Variants in IDH1 observed in about 807,000 individuals in gnomAD.
IDH1 encodes the protein isocitrate dehydrogenase [NADP] cytoplasmic.
IDH1 carries 33 observed loss-of-function variants against 46.1 expected under a neutral mutation model. That is an observed-to-expected ratio of 0.72 (90% CI 0.54 to 0.96). The LOEUF (loss-of-function observed/expected upper bound fraction) is 0.96. Ranked by LOEUF, IDH1 falls within the 40% of genes least tolerant of loss-of-function variation. The pLI is 0.00. For synonymous variants in IDH1, 144 were observed against 172.8 expected (o/e 0.83, Z 1.31); for missense variants, 421 against 515.7 (o/e 0.82, Z 1.78).
At chr2:208,245,186 C>T (rs370644652) in intron 5 of IDH1, 133 bp downstream of exon 5, 13 of 637,664 alleles carry the variant, frequency 2.0e-5, no homozygotes, top group Middle Eastern at 4.2e-4. Context: ...TGTCAAGTTT[C>T]GGGTTTTGCA....
At chr2:208,248,144 G>GA (rs1004518060) in intron 4 of IDH1, 14 of 573,586 alleles carry the variant, frequency 2.4e-5, no homozygotes, top group Middle Eastern at 4.6e-4. Context: ...CAGCATGTTT[G>GA]AAAAAAAATG....
intron 1 of IDH1, chr2:208,254,282 TACCTC>T: frequency 6.5e-6 from 1 of 152,980 alleles, no homozygotes. Context: ...GCTGGATCGG[TACCTC>T]CTTCCAGGTC....
At chr2:208,243,353 G>T in intron 6 of IDH1, 74 bp downstream of exon 6, 1 of 1,098,946 alleles carries the variant, frequency 9.1e-7, no homozygotes. Flanking sequence ...ATAGGGATAG[G>T]GAGATACATA....
At chr2:208,249,782 C>A (rs1017639760) in intron 3 of IDH1, among the ~76,000 whole-genome samples, 1 of 152,162 alleles carries the variant, frequency 6.6e-6, no homozygotes, top group African/African-American at 2.4e-5. Flanking sequence ...ACTGCTTCGA[C>A]TTTAGATAAT....
rs1271525828 is a variant in IDH1 at position 208,236,521 on chromosome 2, T to C, written c.*558A>G. ...GCGGCCTAAACAGTATTTAGTCTAT[T>C]GGAAACATTCAGCAAGGTCTTTACA... On this transcript the variant is annotated 3_prime_UTR_variant, in exon 10 of 10. Coordinates refer to ENST00000345146, the MANE Select transcript of IDH1 (RefSeq NM_005896.4). 2 of 235,850 alleles carry C rather than the reference T, an allele frequency of 8.5e-6. No homozygotes were observed. The highest frequency in any genetic ancestry group is 1.7e-4 in the South Asian group (1 of 5,822). The allele number at this position is 235,850 out of a possible 1,614,324, so 14.6% of individuals were successfully genotyped here.
intron 9 of IDH1, among the ~76,000 whole-genome samples, chr2:208,238,448 T>G (rs574200282): frequency 5.9e-5 from 9 of 152,294 alleles, no homozygotes; most frequent in African/African-American, 2.2e-4. Context: ...CTGGTTGAGA[T>G]ATGGAGACAA....
intron 9 of IDH1, among the ~76,000 whole-genome samples, chr2:208,238,692 T>A (rs1227941218): frequency 6.6e-6 from 1 of 152,226 alleles, no homozygotes; most frequent in Non-Finnish European, 1.5e-5. Flanking sequence ...CTTCTTAAAA[T>A]TAAATAGAAC....
intron 6 of IDH1, among the ~76,000 whole-genome samples, chr2:208,242,638 T>A (rs934783222): frequency 3.3e-5 from 5 of 152,038 alleles, no homozygotes; most frequent in Non-Finnish European, 7.4e-5. Context: ...CTAAAGGGAG[T>A]TATGCCAATC....
chr2:208,237,213 T>C lies in IDH1; in HGVS notation c.1155-44A>G, dbSNP rs780091173. On this transcript the variant is annotated intron_variant, in intron 9 of 9. Coordinates refer to ENST00000345146, the MANE Select transcript of IDH1 (RefSeq NM_005896.4). ...AAAAGAAAATTTAGTTGGTCTCTGA[T>C]ATGGTAGCAGGTAGTGGTAAAGTCC... The C allele has an allele frequency of 3.9e-6, 4 of 1,024,098 alleles. No individual in the cohort carries two copies. In the South Asian group the frequency reaches 3.9e-5, roughly 10 times the overall value. The allele number at this position is 1,024,098 out of a possible 1,614,324, so 63.4% of individuals were successfully genotyped here.
intron 7 of IDH1, chr2:208,240,265 C>T (rs1257245783): frequency 4.0e-6 from 2 of 498,594 alleles, no homozygotes; most frequent in Non-Finnish European, 7.4e-6. Context: ...CAGGGTCCAA[C>T]TGCCTACATT....
rs1687996723 is a variant in IDH1 at position 208,245,375 on chromosome 2, G to T, written c.464C>A (p.Thr155Asn). Reference sequence around the variant, plus strand: ...TTGGGTTCCGTCACTTGGTGTGTAGGTTATCTCTACTTTTCCAGGCCCAGG... The same window carrying T: ...TTGGGTTCCGTCACTTGGTGTGTAGTTTATCTCTACTTTTCCAGGCCCAGG... ...VVPGPGKVEI[T>N]YTPSDGTQKV... The change falls in exon 5 of 10, where the codon ACC (threonine) becomes AAC (asparagine). Residue 155 changes from threonine (T) to asparagine (N), a missense_variant. Transcript: ENST00000345146. 1.2e-6 allele frequency: 2 copies of T among 1,612,476 alleles called. No homozygotes were observed. The highest frequency in any genetic ancestry group is 1.7e-5 in the Admixed American group (1 of 59,966).
intron 4 of IDH1, 22 bp downstream of exon 4, chr2:208,248,347 C>T (rs2124862419): frequency 6.2e-7 from 1 of 1,606,560 alleles, no homozygotes; most frequent in South Asian, 1.1e-5. Flanking sequence ...TGCAAAATCA[C>T]ATTATTGCCA....
intron 3 of IDH1, among the ~76,000 whole-genome samples, chr2:208,249,669 C>T (rs1280315168): frequency 6.6e-6 from 1 of 152,208 alleles, no homozygotes; most frequent in Non-Finnish European, 1.5e-5. Flanking sequence ...CTCTAGATTT[C>T]TTTTTGGTTC....
rs765848107 is a variant in IDH1 at position 208,248,637 on chromosome 2, C to G, written c.146G>C (p.Arg49Pro). Residue 49 changes from arginine to proline, a missense_variant, in exon 4 of 10, where the codon CGT (arginine) becomes CCT (proline). Physicochemically the swap from Arg to Pro is moderately radical, Grantham distance 103 (BLOSUM62 -2). Coordinates refer to ENST00000345146, the MANE Select transcript of IDH1 (RefSeq NM_005896.4). ...GGTGACTTGGTCGTTGGTGGCATCA[C>G]GATTCTCTATGCCTAAATCATAGCT... is the stretch of plus-strand genomic sequence containing the variant. ...LHSYDLGIENRDATNDQVTKD... is the reference protein window; with the variant it reads ...LHSYDLGIENPDATNDQVTKD... 4.3e-6 allele frequency: 7 copies of G among 1,614,012 alleles called. No homozygotes were observed. The African/African-American group carries it at 9.3e-5, about 22-fold the overall frequency.
At chr2:208,251,668 A>C in intron 2 of IDH1, 101 bp from the exon 3 acceptor site, 1 of 897,422 alleles carries the variant, frequency 1.1e-6, no homozygotes, top group Non-Finnish European at 1.7e-6. Flanking sequence ...TGACTACTAA[A>C]AGAACAATTC....
chr2:208,244,019 C>T (rs1254259679), intron 5 of IDH1, among the ~76,000 whole-genome samples: 2 of 152,142 alleles, frequency 1.3e-5, no homozygotes, highest in Admixed American at 6.5e-5. Flanking sequence ...GGAGGTGGGG[C>T]CCAGTGGGAG....
At position 208,238,531 on chromosome 2, in the gene IDH1, C is replaced by T. The variant is rs1687860576; in HGVS notation, c.1154+540G>A. Among the ~76,000 whole-genome samples the T allele has an allele frequency of 3.9e-5, 6 of 152,160 alleles. No homozygotes were observed. The South Asian group carries it at 1.2e-3, about 32-fold the overall frequency. On this transcript the variant is annotated intron_variant, in intron 9 of 9. Coordinates refer to ENST00000345146, the MANE Select transcript of IDH1 (RefSeq NM_005896.4). ...ACATATGGGCTGTCAAATATTTGCCCAAATATTGGTTACAGATACTTAAGG... is the reference window on the plus strand; with the variant it reads ...ACATATGGGCTGTCAAATATTTGCCTAAATATTGGTTACAGATACTTAAGG...
At chr2:208,252,548 C>A (rs1688142997) in intron 2 of IDH1, among the ~76,000 whole-genome samples, 1 of 152,206 alleles carries the variant, frequency 6.6e-6, no homozygotes. Flanking sequence ...GTTATCTATT[C>A]CTTCTAATGA....
intron 2 of IDH1, among the ~76,000 whole-genome samples, 191 bp downstream of exon 2, chr2:208,253,695 C>G (rs114540875): frequency 1.8e-3 from 275 of 152,260 alleles, no homozygotes; most frequent in Middle Eastern, 3.4e-3. Context: ...ACAATAATTT[C>G]TGGGCAAAAA....
Sources: gnomAD v4.1 joint callset for allele counts (sites outside exome capture counted in the v4.1 genomes callset) on GRCh38, gnomAD v4.1.1 for gene constraint, MANE v1.5 for transcripts, NCBI Gene and HGNC (gene_info 2026-07-23, HGNC 2026-07-21) for gene names.